The following HRNR variants were observed in gnomAD, a reference collection of about 807,000 sequenced individuals.
The protein encoded by HRNR is filaggrin family member 3.
Under a neutral mutation model 4.8 loss-of-function variants are expected in HRNR, and 7 were observed. The ratio of observed to expected loss-of-function variants is 1.47; its 90% CI spans 0.83 to 2.75. The LOEUF is 2.75. Ranked by LOEUF, HRNR falls within the 30% of genes most tolerant of loss-of-function variation. The pLI, the probability that HRNR is intolerant of heterozygous loss-of-function variation, is 0.00. For synonymous variants in HRNR, 1,023 were observed against 1,242.7 expected (o/e 0.82, Z 3.72); for missense variants, 2,879 against 3,010.4 (o/e 0.96, Z 1.02).
rs754771130 is a variant in HRNR, at chr1:152,218,496, C to T, written c.3133G>A (p.Gly1045Ser). The change falls in exon 3 of 3, where the codon GGT (glycine) becomes AGT (serine). Residue 1045 changes from glycine (G) to serine (S), a missense_variant. By Grantham distance (56) the Gly-to-Ser change is moderately conservative (BLOSUM62 0). Around this residue, in one of 8 missense-constraint regions of HRNR, gnomAD observed 2,646 missense variants for 1,377.7 expected, o/e 1.92. Transcript: ENST00000368801. ...CGGTGACCTAAGCCAGAAGAGTGAC[C>T]GGAGCCAGACTCATATGGGCCACGG... is the stretch of plus-strand genomic sequence containing the variant. ...SSRGPYESGS[G>S]HSSGLGHRES... 55 of 1,613,602 alleles carry T rather than the reference C, an allele frequency of 3.4e-5. No homozygotes were observed. The highest frequency in any genetic ancestry group is 9.4e-5 in the African/African-American group (7 of 74,710).
chr1:152,223,126 T>C lies in HRNR; in HGVS notation c.128A>G (p.Gln43Arg). ...LKELLENEFHQILKNPNDPDT... is the reference protein window; with the variant it reads ...LKELLENEFHRILKNPNDPDT... The stretch of plus-strand genomic sequence containing the variant: ...GCGTGGAGTTCTTACCTTCAGAATT[T>C]GATGAAACTCATTTTCCAGAAGTTC... The change falls in exon 2 of 3, where the codon CAA becomes CGA. Residue 43 changes from glutamine (Q) to arginine (R), a missense_variant. This residue lies in a region of HRNR where 2,646 missense variants were observed against 1,377.7 expected (regional missense o/e 1.92). Transcript: ENST00000368801. 1 of 1,613,724 alleles carries C rather than the reference T, an allele frequency of 6.2e-7. No individual in the cohort carries two copies. The highest frequency in any genetic ancestry group is 8.5e-7 in the Non-Finnish European group (1 of 1,179,792).
rs200574372 is a variant in HRNR, at chr1:152,221,024, G to T, written c.605C>A (p.Ser202Tyr). 6.2e-7 allele frequency: 1 copy of T among 1,614,074 alleles called. No homozygotes were observed. The highest frequency in any genetic ancestry group is 1.3e-5 in the African/African-American group (1 of 74,922). Residue 202 changes from serine to tyrosine, a missense_variant, in exon 3 of 3, where the codon TCT becomes TAT. Physicochemically the swap from Ser to Tyr is moderately radical, Grantham distance 144. Around this residue, in one of 8 missense-constraint regions of HRNR, gnomAD observed 2,646 missense variants for 1,377.7 expected, o/e 1.92. Coordinates refer to ENST00000368801, the MANE Select transcript of HRNR (RefSeq NM_001009931.3). ...RGQCGSGSGQ[S>Y]PNYGQHGSGS... ...AGAGCCGTGTTGGCCATAGTTGGGA[G>T]ACTGCCCTGACCCAGACCCACATTG... is the stretch of plus-strand genomic sequence containing the variant.
In HRNR at chr1:152,220,882, A is replaced by G; in HGVS notation, c.747T>C (p.Ser249=). The change falls in exon 3 of 3, where the codon TCT becomes TCC. Residue 249 remains serine (S), a synonymous_variant. Coordinates refer to ENST00000368801, the MANE Select transcript of HRNR (RefSeq NM_001009931.3). ...CGTAGCCAGAGGAGTGACCTGAGCC[A>G]GATCCATGCTGACTGTAACCAGAGG... ...GQSSGYSQHG[S]GSGHSSGYGQ... 1 of 1,614,162 alleles carries G rather than the reference A, an allele frequency of 6.2e-7. No homozygotes were observed. Among genetic ancestry groups the G allele is most frequent in the Non-Finnish European group, 8.5e-7 (1 of 1,180,030 alleles).
At position 152,220,941 on chromosome 1, in the gene HRNR, C is replaced by T. The variant is rs1486477587; in HGVS notation, c.688G>A (p.Gly230Ser). ...THGSGSGQSS[G>S]FSQHKSSSGQ... ...GAGCTAGACTTGTGTTGACTAAAGC[C>T]AGAAGACTGGCCTGAGCCAGACCCA... The change falls in exon 3 of 3, where the codon GGC (glycine) becomes AGC (serine). Residue 230 changes from glycine (G) to serine (S), a missense_variant. Coordinates refer to ENST00000368801, the MANE Select transcript of HRNR (RefSeq NM_001009931.3). 3 of 1,612,226 alleles carry T rather than the reference C, an allele frequency of 1.9e-6. No individual in the cohort carries two copies. Among genetic ancestry groups the T allele is most frequent in the Non-Finnish European group, 2.5e-6 (3 of 1,178,358 alleles).
At position 152,223,212 on chromosome 1, in the gene HRNR, A is replaced by G; in HGVS notation, c.42T>C (p.Val14=). The G allele has an allele frequency of 6.2e-7, 1 of 1,613,718 alleles. No individual in the cohort carries two copies. Among genetic ancestry groups the G allele is most frequent in the Non-Finnish European group, 8.5e-7 (1 of 1,179,856 alleles). ...CATGCTGGGTGGCATATTGGTAGAA[A>G]ACATCGATGACAGTGATGACGCCTT... ...LLQGVITVID[V]FYQYATQHGE... Residue 14 remains valine (V), a synonymous_variant, in exon 2 of 3, where the codon GTT becomes GTC. Transcript: ENST00000368801.
Position 152,218,705 on chromosome 1 carries a change from G to C in HRNR, c.2924C>G (p.Ser975Cys), listed in dbSNP as rs530836445. The C allele has an allele frequency of 5.6e-6, 9 of 1,614,010 alleles. No homozygotes were observed. The highest frequency in any genetic ancestry group is 5.0e-5 in the Admixed American group (3 of 60,016). Residue 975 changes from serine (S) to cysteine (C), a missense_variant, in exon 3 of 3, where the codon TCT becomes TGT. Coordinates refer to ENST00000368801, the MANE Select transcript of HRNR (RefSeq NM_001009931.3). ...GQSSRSEQHG[S>C]SSGSSSSYGQ... ...ATAGCTGGAAGACGAACCTGAGCTAGATCCATGTTGTTCGCTCCTAGATGA... is the reference window on the plus strand; with the variant it reads ...ATAGCTGGAAGACGAACCTGAGCTACATCCATGTTGTTCGCTCCTAGATGA...
chr1:152,222,974 T>G, intron 2 of HRNR, 142 bp downstream of exon 2: 1 of 799,862 alleles, frequency 1.3e-6, no homozygotes, highest in Non-Finnish European at 2.0e-6. Context: ...GCTTTTGACC[T>G]TATCTCAAAC....
In HRNR at chr1:152,221,485, T is replaced by G. The variant is rs759262667; in HGVS notation, c.144A>C (p.Pro48=). Residue 48 remains proline (P), a synonymous_variant, in exon 3 of 3, where the codon CCA becomes CCC. Coordinates refer to ENST00000368801, the MANE Select transcript of HRNR (RefSeq NM_001009931.3). ...TGATATCCACAGTATCTGGATCGTTTGGATTCTGTATAAGAGAAAGGTACA... is the reference window on the plus strand; with the variant it reads ...TGATATCCACAGTATCTGGATCGTTGGGATTCTGTATAAGAGAAAGGTACA... ...ENEFHQILKN[P]NDPDTVDIIL... is the part of the protein sequence containing the mutation. 6 of 1,595,180 alleles carry G rather than the reference T, an allele frequency of 3.8e-6. No homozygotes were observed. In the Admixed American group the frequency reaches 8.6e-5, roughly 23 times the overall value.
chr1:152,218,458 T>C lies in HRNR; in HGVS notation c.3171A>G (p.Ser1057=). ...SSGLGHRESR[S]GQSSGYGQHG... ...GTTGACCGTAGCCAGAGGACTGTCCTGAGCGAGACTCTCGGTGACCTAAGC... is the reference window on the plus strand; with the variant it reads ...GTTGACCGTAGCCAGAGGACTGTCCCGAGCGAGACTCTCGGTGACCTAAGC... Residue 1057 remains serine (S), a synonymous_variant, in exon 3 of 3, where the codon TCA becomes TCG. Coordinates refer to ENST00000368801, the MANE Select transcript of HRNR (RefSeq NM_001009931.3). 6.2e-7 allele frequency: 1 copy of C among 1,613,796 alleles called. No homozygotes were observed. Among genetic ancestry groups the C allele is most frequent in the Non-Finnish European group, 8.5e-7 (1 of 1,179,998 alleles).
chr1:152,218,548 A>G lies in HRNR; in HGVS notation c.3081T>C (p.Tyr1027=), dbSNP rs147939633. The G allele has an allele frequency of 7.8e-5, 126 of 1,613,772 alleles. 1 individual carries two copies. Among genetic ancestry groups the G allele is most frequent in the Non-Finnish European group, 1.0e-4 (119 of 1,179,962 alleles). ...GSGQSSSYGP[Y]RSGSGWSSSR... is the part of the protein sequence containing the mutation. ...TTGAAGACCACCCTGAGCCAGACCTATATGGGCCATAGCTGGAAGACTGCC... is the reference window on the plus strand; with the variant it reads ...TTGAAGACCACCCTGAGCCAGACCTGTATGGGCCATAGCTGGAAGACTGCC... The change falls in exon 3 of 3, where the codon TAT becomes TAC. Residue 1027 remains tyrosine, a synonymous_variant. Coordinates refer to ENST00000368801, the MANE Select transcript of HRNR (RefSeq NM_001009931.3).
intron 2 of HRNR, among the ~76,000 whole-genome samples, chr1:152,222,055 C>T (rs938442550): frequency 1.8e-4 from 27 of 151,930 alleles, no homozygotes; most frequent in African/African-American, 6.0e-4. Context: ...CATTGGGGGT[C>T]CTAGAAAGGT....
chr1:152,223,348 T>C (rs1344590989), intron 1 of HRNR, 70 bp from the exon 2 acceptor site: 2 of 866,808 alleles, frequency 2.3e-6, no homozygotes, highest in East Asian at 2.7e-5. Context: ...TAAATAGTTC[T>C]AATTATTTAT....
At position 152,219,863 on chromosome 1, in the gene HRNR, G is replaced by T. The variant is rs1413274655; in HGVS notation, c.1766C>A (p.Ser589Tyr). The T allele has an allele frequency of 1.2e-6, 2 of 1,613,870 alleles. No homozygotes were observed. Among genetic ancestry groups the T allele is most frequent in the Admixed American group, 1.7e-5 (1 of 59,984 alleles). Reference sequence around the variant, plus strand: ...GTAGCCAGAGGACTGTCCTGAGCGAGACTCTTGGTGACCTAAGCCAGAAGA... The same window carrying T: ...GTAGCCAGAGGACTGTCCTGAGCGATACTCTTGGTGACCTAAGCCAGAAGA... The part of the protein sequence containing the change: ...GHSSGLGHQE[S>Y]RSGQSSGYGQ... Residue 589 changes from serine (S) to tyrosine (Y), a missense_variant, in exon 3 of 3, where the codon TCT (serine) becomes TAT (tyrosine). Coordinates refer to ENST00000368801, the MANE Select transcript of HRNR (RefSeq NM_001009931.3).
At position 152,219,139 on chromosome 1, in the gene HRNR, C is replaced by T. The variant is rs143669203; in HGVS notation, c.2490G>A (p.Gln830=). The T allele has an allele frequency of 5.9e-5, 95 of 1,613,476 alleles. No individual in the cohort carries two copies. In the African/African-American group the frequency reaches 1.2e-3, roughly 20 times the overall value. ...AGAAGTGACCTGAGGCAGAACCATG[C>T]TGACTATAGCCCTGTCCTGAGCCAG... ...HESGSGQGYS[Q]HGSASGHFSS... The change falls in exon 3 of 3, where the codon CAG becomes CAA. Residue 830 remains glutamine (Q), a synonymous_variant. Transcript: ENST00000368801.
chr1:152,223,945 C>G (rs1557847697), intron 1 of HRNR, among the ~76,000 whole-genome samples, 198 bp downstream of exon 1: 1 of 152,150 alleles, frequency 6.6e-6, no homozygotes, highest in Non-Finnish European at 1.5e-5. Context: ...GAAGCGACCT[C>G]AAAGAAAGGA....
At position 152,218,920 on chromosome 1, in the gene HRNR, A is replaced by G. The variant is rs1257603756; in HGVS notation, c.2709T>C (p.Ser903=). The G allele has an allele frequency of 2.5e-6, 4 of 1,613,316 alleles. No homozygotes were observed. Among genetic ancestry groups the G allele is most frequent in the Non-Finnish European group, 3.4e-6 (4 of 1,179,846 alleles). The change falls in exon 3 of 3, where the codon TCT becomes TCC. Residue 903 remains serine (S), a synonymous_variant. Transcript: ENST00000368801. Reference sequence around the variant, plus strand: ...CAGACCCATGTCGGCCATAGCTGGGAGACTGCCCTGACCCAGACCCACGCT... The same window carrying G: ...CAGACCCATGTCGGCCATAGCTGGGGGACTGCCCTGACCCAGACCCACGCT... ...HGQRGSGSGQ[S]PSYGRHGSGS... is the part of the protein sequence containing the mutation.
chr1:152,218,717 T>G lies in HRNR; in HGVS notation c.2912A>C (p.Glu971Ala). Residue 971 changes from glutamate (E) to alanine (A), a missense_variant, in exon 3 of 3, where the codon GAA (glutamate) becomes GCA (alanine). Glu to Ala is a moderately radical substitution (Grantham distance 107, BLOSUM62 -1). Coordinates refer to ENST00000368801, the MANE Select transcript of HRNR (RefSeq NM_001009931.3). ...GSRSGQSSRS[E>A]QHGSSSGSSS... Reference sequence around the variant, plus strand: ...CGAACCTGAGCTAGATCCATGTTGTTCGCTCCTAGATGACTGTCCTGACCT... The same window carrying G: ...CGAACCTGAGCTAGATCCATGTTGTGCGCTCCTAGATGACTGTCCTGACCT... 1.2e-6 allele frequency: 2 copies of G among 1,612,422 alleles called. No homozygotes were observed. Among genetic ancestry groups the G allele is most frequent in the Non-Finnish European group, 1.7e-6 (2 of 1,179,736 alleles).
chr1:152,220,206 A>T lies in HRNR; in HGVS notation c.1423T>A (p.Ser475Thr), dbSNP rs1243659570. The change falls in exon 3 of 3, where the codon TCC becomes ACC. Residue 475 changes from serine to threonine, a missense_variant. By Grantham distance (58) the Ser-to-Thr change is moderately conservative. Coordinates refer to ENST00000368801, the MANE Select transcript of HRNR (RefSeq NM_001009931.3). Reference protein sequence around the residue: ...FGHHESSSEHSSGYTQHGSGS... With the variant: ...FGHHESSSEHTSGYTQHGSGS... Reference sequence around the variant, plus strand: ...GATCCATGCTGAGTGTAACCAGAGGAATGCTCTGAGCTAGACTCGTGGTGA... The same window carrying T: ...GATCCATGCTGAGTGTAACCAGAGGTATGCTCTGAGCTAGACTCGTGGTGA... The T allele has an allele frequency of 6.2e-7, 1 of 1,613,628 alleles. No homozygotes were observed. Among genetic ancestry groups the T allele is most frequent in the Non-Finnish European group, 8.5e-7 (1 of 1,179,812 alleles).
chr1:152,221,096 C>A lies in HRNR; in HGVS notation c.533G>T (p.Ser178Ile), dbSNP rs1265556900. 1.2e-6 allele frequency: 2 copies of A among 1,614,070 alleles called. No homozygotes were observed. The highest frequency in any genetic ancestry group is 1.7e-6 in the Non-Finnish European group (2 of 1,180,024). Residue 178 changes from serine (S) to isoleucine (I), a missense_variant, in exon 3 of 3, where the codon AGC becomes ATC. By Grantham distance (142) the Ser-to-Ile change is moderately radical. Coordinates refer to ENST00000368801, the MANE Select transcript of HRNR (RefSeq NM_001009931.3). ...GGAGTCGGAGTTTTGCTCACCATAG[C>A]TGGAAGACTGACCTGAGTAGGAGTT... ...QHNSYSGQSS[S>I]YGEQNSDSHQ...
Sources: allele counts gnomAD v4.1 joint callset (sites outside exome capture counted in the v4.1 genomes callset), GRCh38; gene constraint gnomAD v4.1.1; regional missense constraint gnomAD v4.1.1; transcripts MANE v1.5; gene names NCBI Gene and HGNC (gene_info 2026-07-23, HGNC 2026-07-21).